ACVR2A: variants seen among roughly 807,000 people sequenced by gnomAD.
ACVR2A encodes the protein activin receptor type-2A.
A neutral mutation model predicts 61.4 loss-of-function variants in ACVR2A; 7 were observed. The observed-to-expected ratio is 0.11, with a 90% confidence interval of 0.06 to 0.21. The LOEUF (loss-of-function observed/expected upper bound fraction) is 0.21. Ranked by LOEUF, ACVR2A falls within the 10% of genes least tolerant of loss-of-function variation. The probability of loss-of-function intolerance (pLI) is 1.00; values close to 1 mark genes in which losing one functional copy is unlikely to be tolerated. For missense variants in ACVR2A, 322 were observed against 621.7 expected (o/e 0.52, Z 5.13); for synonymous variants, 193 against 208.3 (o/e 0.93, Z 0.63).
Position 147,896,494 on chromosome 2 carries a change from C to A in ACVR2A, c.249C>A (p.Ile83=). The change falls in exon 2 of 11, where the codon ATC becomes ATA. Residue 83 remains isoleucine, a synonymous_variant. Coordinates refer to ENST00000241416, the MANE Select transcript of ACVR2A (RefSeq NM_001616.5). The stretch of plus-strand genomic sequence containing the variant: ...AACAAGGTTGTTGGCTGGATGATAT[C>A]AACTGCTATGACAGGTAAGAACACA... ...IVKQGCWLDD[I]NCYDRTDCVE... 6.2e-7 allele frequency: 1 copy of A among 1,613,840 alleles called. No individual in the cohort carries two copies. The highest frequency in any genetic ancestry group is 1.3e-5 in the African/African-American group (1 of 75,002).
At chr2:147,854,330 A>C (rs1356584545) in intron 1 of ACVR2A, among the ~76,000 whole-genome samples, 2 of 152,210 alleles carry the variant, frequency 1.3e-5, no homozygotes, top group Non-Finnish European at 2.9e-5. Context: ...TGGGAATTTA[A>C]AATATCTTTT....
chr2:147,925,758 G>T (rs1451059553), intron 9 of ACVR2A: 1 of 326,754 alleles, frequency 3.1e-6, no homozygotes, highest in East Asian at 5.4e-5. Context: ...CCTCTGTGCA[G>T]ATGGAAATAG....
chr2:147,874,635 T>C lies in ACVR2A; in HGVS notation c.56-21666T>C, dbSNP rs548420920. ...TCTCTGAGAGTAGAACCAAGGAAGTTTTATTCAACACTCAAATATAGCTGT... is the reference window on the plus strand; with the variant it reads ...TCTCTGAGAGTAGAACCAAGGAAGTCTTATTCAACACTCAAATATAGCTGT... On this transcript the variant is annotated intron_variant, in intron 1 of 10. Transcript: ENST00000241416. Among the ~76,000 whole-genome samples the C allele has an allele frequency of 3.8e-4, 58 of 151,984 alleles. 1 individual carries two copies. In the South Asian group the frequency reaches 0.012, roughly 32 times the overall value.
At chr2:147,863,856 C>A (rs994468244) in intron 1 of ACVR2A, among the ~76,000 whole-genome samples, 20 of 152,158 alleles carry the variant, frequency 1.3e-4, no homozygotes, top group African/African-American at 4.6e-4. Context: ...AGAACTAGGT[C>A]AGAATTCATT....
Position 147,857,544 on chromosome 2 carries a change from A to C in ACVR2A, c.55+12337A>C, listed in dbSNP as rs112523588. Among the ~76,000 whole-genome samples the C allele has an allele frequency of 4.8e-3, 722 of 151,018 alleles. 1 individual carries two copies. Among genetic ancestry groups the C allele is most frequent in the Non-Finnish European group, 6.1e-3 (412 of 67,870 alleles). On this transcript the variant is annotated intron_variant, in intron 1 of 10. Coordinates refer to ENST00000241416, the MANE Select transcript of ACVR2A (RefSeq NM_001616.5). ...GAATGGTTTTCTTTAAAAAAAAAAA[A>C]AAAAAAACAAAAAAACCCCTAACAC... is the stretch of plus-strand genomic sequence containing the variant.
At chr2:147,856,444 A>T (rs982641784) in intron 1 of ACVR2A, among the ~76,000 whole-genome samples, 1 of 152,164 alleles carries the variant, frequency 6.6e-6, no homozygotes, top group Non-Finnish European at 1.5e-5. Flanking sequence ...TTACCCTATA[A>T]ATACTATAGG....
chr2:147,855,658 G>C (rs151287933), intron 1 of ACVR2A, among the ~76,000 whole-genome samples: 86 of 151,606 alleles, frequency 5.7e-4, no homozygotes, highest in Middle Eastern at 3.4e-3. Context: ...TCTTATTTTA[G>C]TCATCTTATT....
At chr2:147,877,240 C>G (rs1309269163) in intron 1 of ACVR2A, among the ~76,000 whole-genome samples, 1 of 152,150 alleles carries the variant, frequency 6.6e-6, no homozygotes, top group East Asian at 1.9e-4. Flanking sequence ...AAATGTTTCA[C>G]TAATAGAAGA....
chr2:147,907,241 T>G (rs1265782895), intron 4 of ACVR2A, among the ~76,000 whole-genome samples: 1 of 152,210 alleles, frequency 6.6e-6, no homozygotes, highest in Non-Finnish European at 1.5e-5. Flanking sequence ...AGTCTATCAT[T>G]GATGGGCATT....
chr2:147,889,532 C>T lies in ACVR2A; in HGVS notation c.56-6769C>T, dbSNP rs1686527737. ...GGCTGAGGCGGGCAGATCACAAGGT[C>T]AGGAGATTGAGACCATCCTGTCTAA... is the stretch of plus-strand genomic sequence containing the variant. On this transcript the variant is annotated intron_variant, in intron 1 of 10. Transcript: ENST00000241416. Among the ~76,000 whole-genome samples, 3 of 151,910 alleles carry T rather than the reference C, an allele frequency of 2.0e-5. No individual in the cohort carries two copies. The South Asian group carries it at 6.2e-4, about 32-fold the overall frequency.
chr2:147,901,810 G>C (rs1007933287), intron 4 of ACVR2A, among the ~76,000 whole-genome samples: 1 of 152,050 alleles, frequency 6.6e-6, no homozygotes, highest in Admixed American at 6.6e-5. Flanking sequence ...ATTGTCATCA[G>C]TGTGGAACTT....
chr2:147,915,088 TTCTG>T, intron 4 of ACVR2A, 99 bp from the exon 5 acceptor site: 1 of 1,053,410 alleles, frequency 9.5e-7, no homozygotes, highest in Non-Finnish European at 1.4e-6. Flanking sequence ...TGTTTACTGT[TTCTG>T]TCAGTTGACT....
chr2:147,893,478 T>TTAA (rs1686641673), intron 1 of ACVR2A, among the ~76,000 whole-genome samples: 1 of 152,182 alleles, frequency 6.6e-6, no homozygotes, highest in East Asian at 1.9e-4. Context: ...ACTGGGCCAT[T>TTAA]TTGCTCTACC....
intron 1 of ACVR2A, among the ~76,000 whole-genome samples, chr2:147,865,571 T>C (rs567231311): frequency 6.6e-6 from 1 of 152,330 alleles, no homozygotes; most frequent in Non-Finnish European, 1.5e-5. Flanking sequence ...AGTTTAATCC[T>C]TAATGGAATT....
intron 1 of ACVR2A, among the ~76,000 whole-genome samples, chr2:147,867,729 C>T (rs1212207854): frequency 2.6e-5 from 4 of 152,116 alleles, no homozygotes; most frequent in Admixed American, 6.6e-5. Flanking sequence ...CTTCTTAAAA[C>T]CCCTTACTTC....
In ACVR2A at chr2:147,930,726, A is replaced by G. The variant is rs1687672718; in HGVS notation, c.*3452A>G. 6.6e-6 allele frequency: 1 copy of G among 152,496 alleles called. No individual in the cohort carries two copies. Among genetic ancestry groups the G allele is most frequent in the South Asian group, 2.1e-4 (1 of 4,832 alleles). 9.4% of individuals were successfully genotyped at this position (152,496 alleles called of 1,614,324 possible). A position where few individuals can be genotyped will look rare whatever the true frequency, so the allele number is the denominator to read the frequency against. ...TTAACAGAAAGCTTAAAATCCCCAT[A>G]AAACCCCACCTTGGATAAGTGATTG... On this transcript the variant is annotated 3_prime_UTR_variant, in exon 11 of 11. Coordinates refer to ENST00000241416, the MANE Select transcript of ACVR2A (RefSeq NM_001616.5).
chr2:147,915,012 CT>C (rs747757952), intron 4 of ACVR2A, among the ~76,000 whole-genome samples, 178 bp from the exon 5 acceptor site: 77 of 151,940 alleles, frequency 5.1e-4, no homozygotes, highest in Non-Finnish European at 7.8e-4. Flanking sequence ...GGTTGCCTGC[CT>C]TGTGATCACT....
At chr2:147,913,576 C>A (rs116068022) in intron 4 of ACVR2A, among the ~76,000 whole-genome samples, 1,951 of 151,762 alleles carry the variant, frequency 0.013, 48 homozygotes, top group African/African-American at 0.044. Context: ...TCTCCACATT[C>A]ATATAAGCAG....
rs1266500216 is a variant in ACVR2A, at chr2:147,928,153, C to T, written c.*879C>T. ...ATATCCAGTTCCCAAAATTTGCATA[C>T]TTACCTAAGTATTTTTTTTAGGTGT... On this transcript the variant is annotated 3_prime_UTR_variant, in exon 11 of 11. Coordinates refer to ENST00000241416, the MANE Select transcript of ACVR2A (RefSeq NM_001616.5). The T allele has an allele frequency of 6.6e-6, 1 of 152,252 alleles. No individual in the cohort carries two copies. The highest frequency in any genetic ancestry group is 1.9e-4 in the East Asian group (1 of 5,190). 9.4% of individuals were successfully genotyped at this position (152,252 alleles called of 1,614,324 possible).
Sources: gnomAD v4.1 joint callset for allele counts (sites outside exome capture counted in the v4.1 genomes callset) on GRCh38, gnomAD v4.1.1 for gene constraint, MANE v1.5 for transcripts, NCBI Gene and HGNC (gene_info 2026-07-23, HGNC 2026-07-21) for gene names.